The following LMNB2 variants were observed in gnomAD, a reference collection of about 807,000 sequenced individuals.
The protein encoded by LMNB2 is lamin B2.
LMNB2 carries 17 observed loss-of-function variants against 69.3 expected under a neutral mutation model. The observed-to-expected ratio is 0.25, with a 90% CI of 0.17 to 0.37. The LOEUF (loss-of-function observed/expected upper bound fraction) is 0.37, where lower values mean the gene tolerates loss of function less well. Ranked by LOEUF, LMNB2 falls within the 10% of genes least tolerant of loss-of-function variation. The pLI, the probability that LMNB2 is intolerant of heterozygous loss-of-function variation, is 1.00. For synonymous variants in LMNB2, 397 were observed against 389.3 expected (o/e 1.02, Z -0.23); for missense variants, 789 against 883.6 (o/e 0.89, Z 1.36).
chr19:2,433,117 C>A (rs573430215), intron 8 of LMNB2, among the ~76,000 whole-genome samples: 9 of 125,448 alleles, frequency 7.2e-5, no homozygotes, highest in African/African-American at 2.8e-4. Context: ...CATTGGCCGG[C>A]GGCCCCGTCA....
At chr19:2,455,281 C>A (rs1262148379) in intron 1 of LMNB2, among the ~76,000 whole-genome samples, 1 of 151,912 alleles carries the variant, frequency 6.6e-6, no homozygotes, top group Non-Finnish European at 1.5e-5. Context: ...CCCACACACC[C>A]CATCTTGGGC....
chr19:2,451,123 C>T (rs930946775), intron 1 of LMNB2, among the ~76,000 whole-genome samples: 19 of 152,110 alleles, frequency 1.2e-4, no homozygotes, highest in African/African-American at 4.3e-4. Context: ...AACCTGTGAT[C>T]CCAGCTACTG....
At chr19:2,449,503 G>A (rs1388888603) in intron 1 of LMNB2, among the ~76,000 whole-genome samples, 2 of 152,194 alleles carry the variant, frequency 1.3e-5, no homozygotes, top group South Asian at 2.1e-4. Flanking sequence ...ATTAGGGCCC[G>A]GTGCGCTGGT....
chr19:2,450,479 A>C (rs1480789489), intron 1 of LMNB2, among the ~76,000 whole-genome samples: 1 of 151,918 alleles, frequency 6.6e-6, no homozygotes, highest in African/African-American at 2.4e-5. Context: ...AGCCTGCCTC[A>C]GCCTTCCAAA....
At chr19:2,438,648 G>T in intron 2 of LMNB2, 117 bp from the exon 3 acceptor site, 1 of 1,283,488 alleles carries the variant, frequency 7.8e-7, no homozygotes, top group Non-Finnish European at 1.1e-6. Flanking sequence ...CCGAGCCCCA[G>T]ACCTTCCCGT....
chr19:2,431,848 T>C lies in LMNB2; in HGVS notation c.1645A>G (p.Lys549Glu). ...AHSPPSTLVW[K>E]GQSSWGTGES... ...CCCGTGCCCCAGCTGCTCTGGCCCT[T>C]CCACACCAGCGTCGAGGGGGGGCTG... The change falls in exon 10 of 12, where the codon AAG becomes GAG. Residue 549 changes from lysine (K) to glutamate (E), a missense_variant. Physicochemically the swap from Lys to Glu is moderately conservative, Grantham distance 56. This residue lies in a region of LMNB2 where 609 missense variants were observed against 630.9 expected (regional missense o/e 0.97). Transcript: ENST00000325327. The C allele has an allele frequency of 2.5e-6, 4 of 1,613,406 alleles. No individual in the cohort carries two copies. Among genetic ancestry groups the C allele is most frequent in the Non-Finnish European group, 3.4e-6 (4 of 1,179,908 alleles).
At position 2,438,456 on chromosome 19, in the gene LMNB2, G is replaced by A; in HGVS notation, c.477C>T (p.Ser159=). 11 of 1,612,160 alleles carry A rather than the reference G, an allele frequency of 6.8e-6. No individual in the cohort carries two copies. The highest frequency in any genetic ancestry group is 7.6e-6 in the Non-Finnish European group (9 of 1,179,790). The change falls in exon 3 of 12, where the codon AGC becomes AGT. Residue 159 remains serine (S), a synonymous_variant. Coordinates refer to ENST00000325327, the MANE Select transcript of LMNB2 (RefSeq NM_032737.4). Reference sequence around the variant, plus strand: ...TGAGGGCAGCTGCCAGCTCCACCTCGCTCCGGTGGAACAGGGACTCCAGGT... The same window carrying A: ...TGAGGGCAGCTGCCAGCTCCACCTCACTCCGGTGGAACAGGGACTCCAGGT... ...VKDLESLFHR[S]EVELAAALSD...
intron 1 of LMNB2, among the ~76,000 whole-genome samples, chr19:2,450,951 C>CT (rs1360835964): frequency 6.6e-6 from 1 of 150,744 alleles, no homozygotes; most frequent in Non-Finnish European, 1.5e-5. Context: ...TTTTAAATGG[C>CT]TAGGGGTAGC....
chr19:2,444,758 C>A (rs933219512), intron 1 of LMNB2, among the ~76,000 whole-genome samples: 1 of 152,228 alleles, frequency 6.6e-6, no homozygotes. Context: ...CAGGAGGAAG[C>A]CAGGCGACCC....
rs1388521958 is a variant in LMNB2, at chr19:2,434,843, T to G, written c.926A>C (p.Glu309Ala). The stretch of plus-strand genomic sequence containing the variant: ...GAGGGACTCCAGGCGCATGCGGGCC[T>G]CCTTCAGCTCCTCGCGAGCCGCACT... Reference protein sequence around the residue: ...AASAAREELKEARMRLESLSY... With the variant: ...AASAAREELKAARMRLESLSY... The change falls in exon 6 of 12, where the codon GAG (glutamate) becomes GCG (alanine). Residue 309 changes from glutamate (E) to alanine (A), a missense_variant. Glu to Ala is a moderately radical substitution (Grantham distance 107). Transcript: ENST00000325327. 1 of 1,608,624 alleles carries G rather than the reference T, an allele frequency of 6.2e-7. No homozygotes were observed. Among genetic ancestry groups the G allele is most frequent in the East Asian group, 2.2e-5 (1 of 44,802 alleles).
intron 9 of LMNB2, 118 bp from the exon 10 acceptor site, chr19:2,432,020 C>T: frequency 2.3e-6 from 3 of 1,324,208 alleles, no homozygotes; most frequent in Non-Finnish European, 3.1e-6. Flanking sequence ...GTCCTTCCAG[C>T]CCGACGCAGG....
intron 1 of LMNB2, among the ~76,000 whole-genome samples, chr19:2,452,734 AG>A (rs1297240599): frequency 6.6e-6 from 1 of 152,124 alleles, no homozygotes; most frequent in East Asian, 1.9e-4. Context: ...TCAAAAAAGA[AG>A]TGAGAAAGGC....
At position 2,447,424 on chromosome 19, in the gene LMNB2, C is replaced by A. The variant is rs371114108; in HGVS notation, c.265-2884G>T. Among the ~76,000 whole-genome samples the A allele has an allele frequency of 2.0e-5, 3 of 152,084 alleles. No individual in the cohort carries two copies. Among genetic ancestry groups the A allele is most frequent in the Non-Finnish European group, 2.9e-5 (2 of 68,008 alleles). ...TGGGCAGCGGGGCTGGAGAAGGGGA[C>A]GGGGAGTGACCGCTGAGGGGGACAG... is the stretch of plus-strand genomic sequence containing the variant. On this transcript the variant is annotated intron_variant, in intron 1 of 11. Coordinates refer to ENST00000325327, the MANE Select transcript of LMNB2 (RefSeq NM_032737.4). The surrounding 1 kb of genome is among the most constrained non-coding windows in gnomAD (Gnocchi z 4.4).
intron 11 of LMNB2, 44 bp downstream of exon 11, chr19:2,431,504 C>T: frequency 1.2e-6 from 2 of 1,613,294 alleles, no homozygotes; most frequent in South Asian, 1.1e-5. Flanking sequence ...CTCACTCTGC[C>T]CCAGAGGCTG....
intron 2 of LMNB2, among the ~76,000 whole-genome samples, chr19:2,439,007 C>T (rs1259315648): frequency 7.1e-6 from 1 of 141,592 alleles, no homozygotes; most frequent in African/African-American, 2.6e-5. Context: ...CACACAAATA[C>T]TACCAGTGTG....
In LMNB2 at chr19:2,447,522, C is replaced by G. The variant is rs376469928; in HGVS notation, c.265-2982G>C. ...TGGCACAGCTGTGGAGATATGAAAA[C>G]GCGAAACCTACGGGTGAGCTGGGTG... On this transcript the variant is annotated intron_variant, in intron 1 of 11. Transcript: ENST00000325327. This position sits in a 1 kb window ranked among gnomAD's most constrained non-coding sequence, Gnocchi z 4.4. Among the ~76,000 whole-genome samples the G allele has an allele frequency of 2.0e-5, 3 of 152,130 alleles. No individual in the cohort carries two copies. Among genetic ancestry groups the G allele is most frequent in the Admixed American group, 2.0e-4 (3 of 15,266 alleles).
intron 1 of LMNB2, among the ~76,000 whole-genome samples, chr19:2,448,014 GAC>G (rs1971977307): frequency 6.6e-6 from 1 of 152,214 alleles, no homozygotes; most frequent in Non-Finnish European, 1.5e-5. Context: ...CTGGGTCCTA[GAC>G]ATATCAGGTC....
In LMNB2 at chr19:2,445,762, G is replaced by A. The variant is rs1260750963; in HGVS notation, c.265-1222C>T. 2.7e-4 allele frequency among the ~76,000 whole-genome samples: 16 copies of A among 58,298 alleles called. No individual in the cohort carries two copies. In the East Asian group the frequency reaches 7.4e-3, roughly 27 times the overall value. 38.2% of individuals were successfully genotyped at this position (58,298 alleles called of 152,430 possible). ...CAGCGGCCCCCACGTTTCACCCCTC[G>A]ATCACAGGGATCTGCAGTCAGAGTC... On this transcript the variant is annotated intron_variant, in intron 1 of 11. Transcript: ENST00000325327.
chr19:2,441,294 G>A (rs541725961), intron 2 of LMNB2, among the ~76,000 whole-genome samples: 1 of 152,386 alleles, frequency 6.6e-6, no homozygotes, highest in East Asian at 1.9e-4. Flanking sequence ...CCGCTCTGGC[G>A]CTGGACCTGG....
Sources: gnomAD v4.1 joint callset for allele counts (sites outside exome capture counted in the v4.1 genomes callset) on GRCh38, gnomAD v4.1.1 for gene constraint, gnomAD v4.1.1 regional missense constraint, Gnocchi (gnomAD v3.1) non-coding constraint, MANE v1.5 for transcripts, NCBI Gene and HGNC (gene_info 2026-07-23, HGNC 2026-07-21) for gene names.